DNAJC5B: variants seen among roughly 807,000 people sequenced by gnomAD.
The protein encoded by DNAJC5B is DnaJ heat shock protein family (Hsp40) member C5 beta, also known as dnaJ homolog subfamily C member 5B.
Under a neutral mutation model 24.7 loss-of-function variants are expected in DNAJC5B, and 23 were observed. The ratio of observed to expected loss-of-function variants is 0.93; its 90% CI spans 0.67 to 1.32. The LOEUF (loss-of-function observed/expected upper bound fraction) is 1.32. Ranked by LOEUF, DNAJC5B falls within the 40% of genes most tolerant of loss-of-function variation. The pLI is 0.00. For synonymous variants in DNAJC5B, 101 were observed against 90.1 expected (o/e 1.12, Z -0.68); for missense variants, 238 against 240.8 (o/e 0.99, Z 0.08).
At chr8:66,069,672 C>A (rs142120201) in intron 3 of DNAJC5B, among the ~76,000 whole-genome samples, 4,961 of 152,236 alleles carry the variant, frequency 0.033, 123 homozygotes, top group Middle Eastern at 0.082. Context: ...CTATTCCAAA[C>A]AATAGAAAAA....
At position 66,092,991 on chromosome 8, in the gene DNAJC5B, C is replaced by T. The variant is rs949988492; in HGVS notation, c.506-6946C>T. Among the ~76,000 whole-genome samples, 144 of 152,040 alleles carry T rather than the reference C, an allele frequency of 9.5e-4. 1 individual carries two copies. The highest frequency in any genetic ancestry group is 3.3e-4 in the Admixed American group (5 of 15,270). On this transcript the variant is annotated intron_variant, in intron 5 of 5. Coordinates refer to ENST00000276570, the MANE Select transcript of DNAJC5B (RefSeq NM_033105.6). Reference sequence around the variant, plus strand: ...TTCTCCCCTTCCCACTCTAGCAGCCCGCAGTGTCTGTTATTCCCATTTTAT... The same window carrying T: ...TTCTCCCCTTCCCACTCTAGCAGCCTGCAGTGTCTGTTATTCCCATTTTAT...
intron 2 of DNAJC5B, among the ~76,000 whole-genome samples, chr8:66,047,655 TCTC>T (rs1806750343): frequency 1.3e-5 from 2 of 152,240 alleles, no homozygotes; most frequent in Non-Finnish European, 2.9e-5. Flanking sequence ...AATTCCCTGT[TCTC>T]CTTCCCTTTC....
intron 5 of DNAJC5B, among the ~76,000 whole-genome samples, chr8:66,087,651 G>A (rs1348880144): frequency 6.6e-6 from 1 of 152,192 alleles, no homozygotes; most frequent in Non-Finnish European, 1.5e-5. Flanking sequence ...ATTCCAAATG[G>A]GAGAAACTGG....
chr8:66,053,420 T>A (rs1357245102), intron 3 of DNAJC5B, among the ~76,000 whole-genome samples: 1 of 152,140 alleles, frequency 6.6e-6, no homozygotes, highest in East Asian at 1.9e-4. Context: ...TAAACTGTTT[T>A]CCAACTTGCA....
In DNAJC5B at chr8:66,066,858, T is replaced by C. The variant is rs370523215; in HGVS notation, c.120-9802T>C. 1.2e-4 allele frequency among the ~76,000 whole-genome samples: 19 copies of C among 152,304 alleles called. No individual in the cohort carries two copies. In the East Asian group the frequency reaches 3.7e-3, roughly 29 times the overall value. On this transcript the variant is annotated intron_variant, in intron 3 of 5. Coordinates refer to ENST00000276570, the MANE Select transcript of DNAJC5B (RefSeq NM_033105.6). ...AAAACCACCTGTACTCCAAAAGCTATTGAAGTTTTAAAAATATTTAAGAAT... is the reference window on the plus strand; with the variant it reads ...AAAACCACCTGTACTCCAAAAGCTACTGAAGTTTTAAAAATATTTAAGAAT...
intron 3 of DNAJC5B, among the ~76,000 whole-genome samples, chr8:66,068,897 C>G (rs571753094): frequency 5.1e-4 from 77 of 151,992 alleles, no homozygotes; most frequent in Non-Finnish European, 7.9e-4. Context: ...ATTTTCCAAC[C>G]AAGGTAACAG....
At chr8:66,055,915 C>G (rs1806952731) in intron 3 of DNAJC5B, among the ~76,000 whole-genome samples, 1 of 152,224 alleles carries the variant, frequency 6.6e-6, no homozygotes, top group African/African-American at 2.4e-5. Flanking sequence ...TGCTGCTGTA[C>G]TGCAGCCTGG....
chr8:66,040,937 A>G (rs1361229170), intron 1 of DNAJC5B, among the ~76,000 whole-genome samples: 1 of 152,234 alleles, frequency 6.6e-6, no homozygotes, highest in African/African-American at 2.4e-5. Flanking sequence ...AAAACATAAT[A>G]GGAATTAACC....
chr8:66,072,445 A>G (rs1239889068), intron 3 of DNAJC5B, among the ~76,000 whole-genome samples: 1 of 152,210 alleles, frequency 6.6e-6, no homozygotes, highest in African/African-American at 2.4e-5. Flanking sequence ...ACCCAATAAG[A>G]ACAGAATATA....
chr8:66,015,795 T>G, the DNAJC5B span, among the ~76,000 whole-genome samples: 4 of 152,044 alleles, frequency 2.6e-5, no homozygotes, highest in African/African-American at 4.8e-5. Flanking sequence ...AAGGGAATAG[T>G]TAATGGTTTC....
chr8:66,030,897 A>C (rs1806346122), intron 1 of DNAJC5B, among the ~76,000 whole-genome samples: 1 of 152,196 alleles, frequency 6.6e-6, no homozygotes. Context: ...TCGTCCTCCC[A>C]AAGTGCTGAA....
intron 3 of DNAJC5B, among the ~76,000 whole-genome samples, chr8:66,052,173 G>T (rs1466430638): frequency 6.7e-6 from 1 of 150,126 alleles, no homozygotes; most frequent in Non-Finnish European, 1.5e-5. Flanking sequence ...GGCCAGGCTG[G>T]TCTCGAACTC....
intron 1 of DNAJC5B, among the ~76,000 whole-genome samples, chr8:66,033,461 T>C (rs1212799862): frequency 6.6e-6 from 1 of 152,198 alleles, no homozygotes; most frequent in African/African-American, 2.4e-5. Flanking sequence ...ATTATGTGTT[T>C]ACAGAGAATC....
intron 5 of DNAJC5B, among the ~76,000 whole-genome samples, chr8:66,097,845 T>C (rs1350952434): frequency 6.6e-6 from 1 of 152,144 alleles, no homozygotes; most frequent in African/African-American, 2.4e-5. Context: ...GCTTTTAATA[T>C]CCTTGTCTTT....
chr8:66,056,558 A>G (rs923269402), intron 3 of DNAJC5B: 8 of 152,156 alleles, frequency 5.3e-5, no homozygotes, highest in African/African-American at 1.9e-4. Context: ...CAAACCAAAC[A>G]AACCAAAGAA....
At chr8:66,026,960 G>T (rs532823237) in intron 1 of DNAJC5B, among the ~76,000 whole-genome samples, 1 of 152,232 alleles carries the variant, frequency 6.6e-6, no homozygotes, top group South Asian at 2.1e-4. Flanking sequence ...AAATATATGG[G>T]GTACAAGTGC....
intron 3 of DNAJC5B, among the ~76,000 whole-genome samples, chr8:66,062,887 G>A (rs1000697131): frequency 2.6e-5 from 4 of 152,198 alleles, no homozygotes; most frequent in Non-Finnish European, 4.4e-5. Flanking sequence ...GCATGTGCCT[G>A]TGGTCCTGGC....
intron 1 of DNAJC5B, among the ~76,000 whole-genome samples, chr8:66,022,168 A>G (rs984059294): frequency 2.0e-5 from 3 of 152,246 alleles, no homozygotes; most frequent in African/African-American, 7.2e-5. Context: ...TAAGTAAAAC[A>G]GCTCTGCTGG....
intron 5 of DNAJC5B, among the ~76,000 whole-genome samples, chr8:66,083,638 G>A (rs763908148): frequency 1.1e-4 from 16 of 152,136 alleles, no homozygotes; most frequent in Non-Finnish European, 2.1e-4. Flanking sequence ...CATCACCTCT[G>A]GTTTAGATTT....
Sources: gnomAD v4.1 joint callset for allele counts (sites outside exome capture counted in the v4.1 genomes callset) on GRCh38, gnomAD v4.1.1 for gene constraint, MANE v1.5 for transcripts, NCBI Gene and HGNC (gene_info 2026-07-23, HGNC 2026-07-21) for gene names.